Variants in ZNF609 observed in about 807,000 individuals in gnomAD.
The protein encoded by ZNF609 is zinc finger protein 609.
In ZNF609, 11 loss-of-function variants were observed where a neutral mutation model predicts 109.5. The ratio of observed to expected loss-of-function variants is 0.10; its 90% CI spans 0.06 to 0.17. The LOEUF (loss-of-function observed/expected upper bound fraction) is 0.17. ZNF609 is among the 10% of genes least tolerant of loss of function. The pLI, the probability that ZNF609 is intolerant of heterozygous loss-of-function variation, is 1.00. For synonymous variants in ZNF609, 646 were observed against 662.0 expected (o/e 0.98, Z 0.37); for missense variants, 1,559 against 1,772.4 (o/e 0.88, Z 2.16).
At chr15:64,655,466 A>G (rs1311348382) in intron 3 of ZNF609, among the ~76,000 whole-genome samples, 1 of 152,068 alleles carries the variant, frequency 6.6e-6, no homozygotes, top group African/African-American at 2.4e-5. Context: ...TATCTATAAC[A>G]TAATACTAAA....
chr15:64,520,828 C>T (rs1893880833), intron 2 of ZNF609, among the ~76,000 whole-genome samples: 1 of 152,024 alleles, frequency 6.6e-6, no homozygotes, highest in South Asian at 2.1e-4. Flanking sequence ...CAGAAATAAG[C>T]TCTGAGTACG....
At chr15:64,633,231 T>TC (rs1399416703) in intron 3 of ZNF609, among the ~76,000 whole-genome samples, 1 of 151,846 alleles carries the variant, frequency 6.6e-6, no homozygotes, top group Non-Finnish European at 1.5e-5. Flanking sequence ...CCCTGCAGCC[T>TC]CCACCTCCCA....
At chr15:64,628,738 G>A (rs1299483882) in intron 3 of ZNF609, among the ~76,000 whole-genome samples, 1 of 152,076 alleles carries the variant, frequency 6.6e-6, no homozygotes, top group Non-Finnish European at 1.5e-5. Flanking sequence ...CGATTCTCCT[G>A]CCTCAGCCTC....
intron 3 of ZNF609, among the ~76,000 whole-genome samples, chr15:64,668,499 C>T (rs1382534129): frequency 1.3e-5 from 2 of 152,142 alleles, no homozygotes; most frequent in South Asian, 2.1e-4. Flanking sequence ...AGTGTGGTGG[C>T]TCACACCTAT....
chr15:64,532,053 A>ATGC (rs1894071186), intron 2 of ZNF609, among the ~76,000 whole-genome samples: 1 of 152,116 alleles, frequency 6.6e-6, no homozygotes, highest in South Asian at 2.1e-4. Context: ...CCCTACTAGC[A>ATGC]TGCCCCTCCA....
intron 3 of ZNF609, among the ~76,000 whole-genome samples, chr15:64,636,185 C>T (rs1896171989): frequency 6.6e-6 from 1 of 152,090 alleles, no homozygotes; most frequent in Non-Finnish European, 1.5e-5. Context: ...TTAGGAAAAA[C>T]AAGAAAAGTA....
At chr15:64,493,292 CTT>C (rs1352343040) in intron 1 of ZNF609, among the ~76,000 whole-genome samples, 3 of 151,996 alleles carry the variant, frequency 2.0e-5, no homozygotes, top group African/African-American at 4.8e-5. Flanking sequence ...CATGAAAACT[CTT>C]TTTCATTCTT....
intron 3 of ZNF609, among the ~76,000 whole-genome samples, chr15:64,645,644 G>T (rs1411392305): frequency 6.6e-6 from 1 of 152,094 alleles, no homozygotes; most frequent in East Asian, 1.9e-4. Flanking sequence ...TCTGATAAGT[G>T]ATTAATATCT....
chr15:64,532,481 G>A (rs1352118352), intron 2 of ZNF609, among the ~76,000 whole-genome samples: 1 of 152,162 alleles, frequency 6.6e-6, no homozygotes, highest in Non-Finnish European at 1.5e-5. Flanking sequence ...GTGCAGTATG[G>A]TAAATACTAA....
At chr15:64,617,210 C>A (rs1271868837) in intron 2 of ZNF609, among the ~76,000 whole-genome samples, 4 of 151,042 alleles carry the variant, frequency 2.6e-5, no homozygotes, top group Non-Finnish European at 5.9e-5. Flanking sequence ...TTTTTGGAGA[C>A]AAAATTTCAC....
At position 64,670,333 on chromosome 15, in the gene ZNF609, T is replaced by C; in HGVS notation, c.974-13T>C. 6.2e-7 allele frequency: 1 copy of C among 1,611,042 alleles called. No individual in the cohort carries two copies. On this transcript the variant is annotated splice_polypyrimidine_tract_variant and intron_variant, in intron 3 of 9. Transcript: ENST00000326648. Reference sequence around the variant, plus strand: ...GTGTGTCTTGTCTATATCTATGTGCTCTTATTTTCCAGGGATGTTGGTGGT... The same window carrying C: ...GTGTGTCTTGTCTATATCTATGTGCCCTTATTTTCCAGGGATGTTGGTGGT...
chr15:64,675,392 T>G lies in ZNF609; in HGVS notation c.2538T>G (p.Ser846=), dbSNP rs372733652. The change falls in exon 5 of 10, where the codon TCT becomes TCG. Residue 846 remains serine (S), a synonymous_variant. Coordinates refer to ENST00000326648, the MANE Select transcript of ZNF609 (RefSeq NM_015042.2). ...SSVKTNSPAY[S]DISDAGEDGE... ...TCAAAACCAACAGCCCTGCATACTC[T>G]GACATCTCTGATGCTGGGGAGGATG... 31 of 1,614,046 alleles carry G rather than the reference T, an allele frequency of 1.9e-5. No homozygotes were observed. The highest frequency in any genetic ancestry group is 2.6e-5 in the Non-Finnish European group (31 of 1,180,024).
chr15:64,542,264 T>C (rs1894277658), intron 2 of ZNF609, among the ~76,000 whole-genome samples: 1 of 152,222 alleles, frequency 6.6e-6, no homozygotes, highest in Non-Finnish European at 1.5e-5. Context: ...ACTTGGAACT[T>C]TGCATACAAT....
chr15:64,561,480 T>C (rs1331570591), intron 2 of ZNF609, among the ~76,000 whole-genome samples: 2 of 152,070 alleles, frequency 1.3e-5, no homozygotes, highest in Non-Finnish European at 2.9e-5. Context: ...TGTTTCTGTA[T>C]GCTAACTCCC....
In ZNF609 at chr15:64,685,159, GTTTTTTTATATA is replaced by G. The variant is rs1228805705; in HGVS notation, c.*3475_*3486del. ...TAAAGTGTACATTACCAAGTTCCTT[GTTTTTTTATATA>G]TATATATAAATATATATATATACAA... On this transcript the variant is annotated 3_prime_UTR_variant, in exon 10 of 10. Coordinates refer to ENST00000326648, the MANE Select transcript of ZNF609 (RefSeq NM_015042.2). 2 of 150,506 alleles carry G rather than the reference GTTTTTTTATATA, an allele frequency of 1.3e-5. No homozygotes were observed. Among genetic ancestry groups the G allele is most frequent in the Non-Finnish European group, 3.0e-5 (2 of 67,666 alleles). 9.3% of individuals were successfully genotyped at this position (150,506 alleles called of 1,614,324 possible). A position where few individuals can be genotyped will look rare whatever the true frequency, so the allele number is the denominator to read the frequency against.
Position 64,680,748 on chromosome 15 carries a change from A to C in ZNF609, c.4048A>C (p.Ser1350Arg). 1 of 1,613,444 alleles carries C rather than the reference A, an allele frequency of 6.2e-7. No individual in the cohort carries two copies. The highest frequency in any genetic ancestry group is 8.5e-7 in the Non-Finnish European group (1 of 1,179,952). Residue 1350 changes from serine (S) to arginine (R), a missense_variant, in exon 8 of 10, where the codon AGT becomes CGT. By Grantham distance (110) the Ser-to-Arg change is moderately radical (BLOSUM62 -1). Transcript: ENST00000326648. ...SVGGASGGER[S>R]VDRPRTSPSQ... ...CGGGGGAGCAAGTGGGGGTGAACGG[A>C]GTGTTGACCGGCCCCGCACCTCTCC...
intron 2 of ZNF609, among the ~76,000 whole-genome samples, chr15:64,589,876 G>A (rs1342403160): frequency 1.3e-5 from 2 of 152,152 alleles, no homozygotes; most frequent in African/African-American, 2.4e-5. Context: ...GGAAAAACTC[G>A]ATGCTTTTGG....
At chr15:64,563,581 C>T (rs1362344521) in intron 2 of ZNF609, among the ~76,000 whole-genome samples, 2 of 151,772 alleles carry the variant, frequency 1.3e-5, no homozygotes, top group Non-Finnish European at 2.9e-5. Flanking sequence ...AGTTCGAGGC[C>T]AGCCTGACCA....
At chr15:64,658,565 T>TACACACAC in intron 3 of ZNF609, among the ~76,000 whole-genome samples, 1 of 150,858 alleles carries the variant, frequency 6.6e-6, no homozygotes, top group African/African-American at 2.4e-5. Flanking sequence ...TTGAAAGATA[T>TACACACAC]ACACACACAC....
Sources: allele counts gnomAD v4.1 joint callset (sites outside exome capture counted in the v4.1 genomes callset), GRCh38; gene constraint gnomAD v4.1.1; transcripts MANE v1.5; gene names NCBI Gene and HGNC (gene_info 2026-07-23, HGNC 2026-07-21).